OR7C1: variants seen among roughly 807,000 people sequenced by gnomAD.
The protein encoded by OR7C1 is olfactory receptor family 7 subfamily C member 1.
For missense variants in OR7C1, 324 were observed against 383.3 expected (o/e 0.85, Z 1.29); for synonymous variants, 152 against 160.7 (o/e 0.95, Z 0.41).
At chr19:14,800,146 AT>A in exon 5 of OR7C1, 1 of 1,546,290 alleles carries the variant, frequency 6.5e-7, no homozygotes, top group Non-Finnish European at 8.7e-7. Flanking sequence ...TGGGGATAAA[AT>A]AACTGCCACA....
intron 1 of OR7C1, among the ~76,000 whole-genome samples, chr19:14,834,613 T>C (rs2044866762): frequency 6.6e-6 from 1 of 152,172 alleles, no homozygotes; most frequent in East Asian, 1.9e-4. Flanking sequence ...TGTTGCAAAA[T>C]GGTATTTGCA....
exon 5 of OR7C1, chr19:14,799,967 G>A (rs1233618195): frequency 1.2e-6 from 2 of 1,614,122 alleles, no homozygotes; most frequent in Non-Finnish European, 1.7e-6. Context: ...GTACATGGGG[G>A]TGTGGAGGTG....
Position 14,831,379 on chromosome 19 carries a change from G to A in OR7C1, c.-623+3695C>T, listed in dbSNP as rs117253686. ...CAATTGGTTTTTATATGAATTGAGAGTGGATGAAGCAGTCCCTTTCTCACT... is the reference window on the plus strand; with the variant it reads ...CAATTGGTTTTTATATGAATTGAGAATGGATGAAGCAGTCCCTTTCTCACT... On this transcript the variant is annotated intron_variant, in intron 1 of 4. Transcript: ENST00000641666. Among the ~76,000 whole-genome samples the A allele has an allele frequency of 3.9e-5, 6 of 152,234 alleles. No individual in the cohort carries two copies. The East Asian group carries it at 1.2e-3, about 29-fold the overall frequency.
At chr19:14,801,642 C>T (rs1213636246) in intron 2 of OR7C1, among the ~76,000 whole-genome samples, 1 of 152,088 alleles carries the variant, frequency 6.6e-6, no homozygotes, top group Non-Finnish European at 1.5e-5. Flanking sequence ...TCCATTCTCA[C>T]GCTGCTGTAA....
At chr19:14,830,572 G>C (rs138678219) in intron 1 of OR7C1, among the ~76,000 whole-genome samples, 3 of 152,192 alleles carry the variant, frequency 2.0e-5, no homozygotes, top group South Asian at 4.1e-4. Flanking sequence ...ATAAATAAAA[G>C]ATCAAAAATA....
chr19:14,799,771 G>C, exon 5 of OR7C1: 1 of 1,613,892 alleles, frequency 6.2e-7, no homozygotes, highest in Non-Finnish European at 8.5e-7. Flanking sequence ...CGGCCACGAA[G>C]CGGTCATAGG....
In OR7C1 at chr19:14,828,758, C is replaced by CAAAAAAAAA. The variant is rs58983718; in HGVS notation, c.-623+6307_-623+6315dup. ...CTGGTGACAGAGCGAGACTCCATCT[C>CAAAAAAAAA]AAAAAAAAAAAAAAAAAAAAAAAAA... On this transcript the variant is annotated intron_variant, in intron 1 of 4. Transcript: ENST00000641666. 1.8e-3 allele frequency among the ~76,000 whole-genome samples: 62 copies of CAAAAAAAAA among 35,158 alleles called. 2 individuals are homozygous for CAAAAAAAAA. Among genetic ancestry groups the CAAAAAAAAA allele is most frequent in the African/African-American group, 4.0e-3 (38 of 9,470 alleles). 23.1% of individuals were successfully genotyped at this position (35,158 alleles called of 152,430 possible).
At chr19:14,833,806 G>A (rs931923530) in intron 1 of OR7C1, among the ~76,000 whole-genome samples, 5 of 138,308 alleles carry the variant, frequency 3.6e-5, no homozygotes, top group Non-Finnish European at 8.0e-5. Context: ...GAAATCTCAC[G>A]TCCATCAGCC....
At chr19:14,824,422 T>C (rs777260262) in intron 1 of OR7C1, 23 of 152,208 alleles carry the variant, frequency 1.5e-4, no homozygotes, top group Non-Finnish European at 3.2e-4. Flanking sequence ...ATCCCAACTT[T>C]ATGTCCGTGT....
intron 1 of OR7C1, chr19:14,827,630 C>G (rs778104335): frequency 1.9e-6 from 3 of 1,613,964 alleles, no homozygotes; most frequent in Non-Finnish European, 2.5e-6. Flanking sequence ...CACCCAGCAG[C>G]GCAACTGTAA....
chr19:14,820,699 A>G (rs1484238520), intron 1 of OR7C1, among the ~76,000 whole-genome samples: 13 of 152,230 alleles, frequency 8.5e-5, no homozygotes, highest in Admixed American at 8.5e-4. Context: ...AAAACAATGG[A>G]ATAAATGTGT....
At chr19:14,799,083 T>C (rs1335752446) in exon 5 of OR7C1, 14 of 1,456,542 alleles carry the variant, frequency 9.6e-6, no homozygotes, top group Admixed American at 2.3e-5. Context: ...CGATAAGATA[T>C]GGTAATTCCA....
chr19:14,828,181 G>A lies in OR7C1; in HGVS notation c.-623+6893C>T, dbSNP rs951017608. On this transcript the variant is annotated intron_variant, in intron 1 of 4. Coordinates refer to ENST00000641666, the Ensembl canonical transcript of OR7C1. ...CCAAAGAGGAAGGGTTGCAGTCCAG[G>A]TTCTTGTGAAAATCCCAGAAGAAGA... 4 of 1,613,624 alleles carry A rather than the reference G, an allele frequency of 2.5e-6. No individual in the cohort carries two copies. In the African/African-American group the frequency reaches 5.3e-5, roughly 22 times the overall value.
intron 1 of OR7C1, among the ~76,000 whole-genome samples, chr19:14,812,592 G>A (rs2044696432): frequency 6.6e-6 from 1 of 151,480 alleles, no homozygotes; most frequent in Non-Finnish European, 1.5e-5. Context: ...AAAGGGACAG[G>A]AATTTCTCAC....
chr19:14,799,027 C>T, exon 5 of OR7C1: 1 of 980,312 alleles, frequency 1.0e-6, no homozygotes, highest in South Asian at 2.7e-5. Flanking sequence ...CTGTGGCCCT[C>T]CCTATCTACC....
intron 2 of OR7C1, among the ~76,000 whole-genome samples, chr19:14,808,021 G>A (rs2044673780): frequency 1.3e-5 from 2 of 151,034 alleles, no homozygotes; most frequent in African/African-American, 4.9e-5. Flanking sequence ...TCTGACTGGT[G>A]TAATCATCAG....
intron 2 of OR7C1, among the ~76,000 whole-genome samples, chr19:14,806,074 A>T (rs1428032031): frequency 6.6e-6 from 1 of 151,896 alleles, no homozygotes; most frequent in African/African-American, 2.4e-5. Flanking sequence ...TTAGAGTCTA[A>T]ATGTTCTTGT....
At chr19:14,819,027 T>C (rs1335512184) in intron 1 of OR7C1, among the ~76,000 whole-genome samples, 1 of 152,132 alleles carries the variant, frequency 6.6e-6, no homozygotes, top group Non-Finnish European at 1.5e-5. Context: ...CATTTAGCAT[T>C]AGGTATATCT....
chr19:14,831,443 T>G (rs1568255028), intron 1 of OR7C1, among the ~76,000 whole-genome samples: 1 of 152,010 alleles, frequency 6.6e-6, no homozygotes, highest in South Asian at 2.1e-4. Context: ...TTTATTTTAT[T>G]ATTTTATTAT....
Sources: allele counts gnomAD v4.1 joint callset (sites outside exome capture counted in the v4.1 genomes callset), GRCh38; gene constraint gnomAD v4.1.1; transcripts MANE v1.5; gene names NCBI Gene and HGNC (gene_info 2026-07-23, HGNC 2026-07-21).